Variants in PCTP observed in about 807,000 individuals in gnomAD.
PCTP encodes the protein phosphatidylcholine transfer protein.
PCTP carries 27 observed loss-of-function variants against 31.0 expected under a neutral mutation model. The ratio of observed to expected loss-of-function variants is 0.87; its 90% CI spans 0.64 to 1.20. PCTP has a LOEUF of 1.20. PCTP is among the 50% of genes most tolerant of loss of function. PCTP has a pLI of 0.00. For synonymous variants in PCTP, 108 were observed against 101.2 expected, an observed-to-expected ratio of 1.07 and a Z score of -0.40; for missense variants, 287 against 268.2, an observed-to-expected ratio of 1.07 and a Z score of -0.49.
At chr17:55,788,735 C>A (rs947942979) in intron 3 of PCTP, among the ~76,000 whole-genome samples, 1 of 152,112 alleles carries the variant, frequency 6.6e-6, no homozygotes, top group African/African-American at 2.4e-5. Flanking sequence ...ATGATTCTGT[C>A]AACTTTTCTG....
downstream of PCTP, among the ~76,000 whole-genome samples, chr17:55,825,215 C>T (rs533764540): frequency 3.0e-4 from 46 of 152,232 alleles, no homozygotes; most frequent in African/African-American, 1.1e-3. Context: ...GCTCTGAGAG[C>T]CCAGTGAGAA....
chr17:55,755,880 G>A (rs1158818838), intron 1 of PCTP, among the ~76,000 whole-genome samples: 1 of 152,204 alleles, frequency 6.6e-6, no homozygotes, highest in East Asian at 1.9e-4. Context: ...AAGATCCAGA[G>A]TTGTTGAGCG....
Position 55,751,099 on chromosome 17 carries a change from G to A in PCTP, c.-5G>A, listed in dbSNP as rs780521128. On this transcript the variant is annotated 5_prime_UTR_variant, in exon 1 of 6. Coordinates refer to ENST00000268896, the MANE Select transcript of PCTP (RefSeq NM_021213.4). ...TCCAGGCGGAGGAGCCCGGACTGCG[G>A]AAGGATGGAGCTGGCCGCCGGAAGC... 6.5e-7 allele frequency: 1 copy of A among 1,533,278 alleles called. No individual in the cohort carries two copies. 95.0% of individuals were successfully genotyped at this position (1,533,278 alleles called of 1,614,324 possible).
chr17:55,786,048 C>T lies in PCTP; in HGVS notation c.229-1518C>T, dbSNP rs566319633. Among the ~76,000 whole-genome samples, 3 of 152,196 alleles carry T rather than the reference C, an allele frequency of 2.0e-5. No individual in the cohort carries two copies. In the East Asian group the frequency reaches 5.8e-4, roughly 29 times the overall value. On this transcript the variant is annotated intron_variant, in intron 2 of 3. Transcript: ENST00000572536. Reference sequence around the variant, plus strand: ...CTGTAATCCCAACACTTTGGGGGGCCGAGGCAGGCAGATCACTTGAGGCCA... The same window carrying T: ...CTGTAATCCCAACACTTTGGGGGGCTGAGGCAGGCAGATCACTTGAGGCCA...
intron 1 of PCTP, among the ~76,000 whole-genome samples, chr17:55,763,166 CA>C (rs1910432029): frequency 6.6e-6 from 1 of 152,126 alleles, no homozygotes; most frequent in African/African-American, 2.4e-5. Flanking sequence ...ACCGATATTG[CA>C]AAAGATTTAT....
intron 5 of PCTP, among the ~76,000 whole-genome samples, chr17:55,836,107 C>A (rs145294614): frequency 4.2e-4 from 64 of 152,270 alleles, no homozygotes; most frequent in Middle Eastern, 3.4e-3. Context: ...CATGACCCAA[C>A]CTTGTAGGTT....
At chr17:55,842,012 A>G (rs936003947) in intron 5 of PCTP, among the ~76,000 whole-genome samples, 11 of 152,186 alleles carry the variant, frequency 7.2e-5, no homozygotes, top group African/African-American at 2.7e-4. Flanking sequence ...TACACCTCCC[A>G]TATTCAGAAA....
intron 3 of PCTP, among the ~76,000 whole-genome samples, chr17:55,808,732 G>A (rs539585575): frequency 1.3e-3 from 201 of 152,268 alleles, no homozygotes; most frequent in South Asian, 8.5e-3. Context: ...CTAAGGGGCA[G>A]TAATACGTCT....
chr17:55,827,579 G>A (rs555446122), downstream of PCTP, among the ~76,000 whole-genome samples: 1 of 152,292 alleles, frequency 6.6e-6, no homozygotes, highest in Admixed American at 6.5e-5. Flanking sequence ...TCATAACCCA[G>A]CAGGACTTAC....
intron 3 of PCTP, among the ~76,000 whole-genome samples, chr17:55,821,052 C>T (rs1372565165): frequency 5.9e-5 from 9 of 152,090 alleles, no homozygotes; most frequent in Admixed American, 2.6e-4. Flanking sequence ...AGTATAGATA[C>T]AGAAGAAATA....
At chr17:55,763,557 G>A (rs1251305281) in intron 1 of PCTP, among the ~76,000 whole-genome samples, 1 of 151,648 alleles carries the variant, frequency 6.6e-6, no homozygotes, top group Non-Finnish European at 1.5e-5. Flanking sequence ...AATTGAGTTA[G>A]GTATGGAGTC....
At chr17:55,786,276 T>A (rs1911741775) in intron 2 of PCTP, among the ~76,000 whole-genome samples, 1 of 152,190 alleles carries the variant, frequency 6.6e-6, no homozygotes, top group Non-Finnish European at 1.5e-5. Flanking sequence ...AGAGCAAGAC[T>A]CTGTCCCCAA....
chr17:55,806,980 C>A (rs117594507), intron 3 of PCTP, among the ~76,000 whole-genome samples: 2,722 of 152,170 alleles, frequency 0.018, 28 homozygotes, highest in South Asian at 0.031. Context: ...GCATTTGATG[C>A]AATGTTCCCT....
At chr17:55,827,727 A>T (rs545677902), downstream of PCTP, among the ~76,000 whole-genome samples, 24 of 152,210 alleles carry the variant, frequency 1.6e-4, no homozygotes, top group African/African-American at 5.5e-4. Context: ...GTAAGAACTT[A>T]CTCCATTCTG....
chr17:55,795,694 T>C (rs1456822214), intron 3 of PCTP, among the ~76,000 whole-genome samples: 2 of 152,080 alleles, frequency 1.3e-5, no homozygotes, highest in African/African-American at 4.8e-5. Context: ...TAGATGTTGC[T>C]CATTGACTAA....
chr17:55,839,509 A>G (rs1905889294), intron 5 of PCTP, among the ~76,000 whole-genome samples: 1 of 152,174 alleles, frequency 6.6e-6, no homozygotes, highest in Admixed American at 6.5e-5. Flanking sequence ...CAGGGACAAG[A>G]TATCTATAGG....
chr17:55,836,435 A>AT (rs1905780201), intron 5 of PCTP, among the ~76,000 whole-genome samples: 1 of 152,146 alleles, frequency 6.6e-6, no homozygotes, highest in Non-Finnish European at 1.5e-5. Flanking sequence ...GAGTCAGTGG[A>AT]CTTTTGTCTG....
chr17:55,802,553 A>C (rs1912421566), intron 3 of PCTP, among the ~76,000 whole-genome samples: 5 of 152,206 alleles, frequency 3.3e-5, no homozygotes, highest in Admixed American at 1.3e-4. Flanking sequence ...CTGGGATGCA[A>C]GGCTGGTTCA....
intron 5 of PCTP, among the ~76,000 whole-genome samples, chr17:55,838,218 C>G (rs868755269): frequency 6.6e-6 from 1 of 152,092 alleles, no homozygotes; most frequent in Non-Finnish European, 1.5e-5. Context: ...TTTCTTTGCT[C>G]GTAAGCTTCA....
Sources: gnomAD v4.1 joint callset for allele counts (sites outside exome capture counted in the v4.1 genomes callset) on GRCh38, gnomAD v4.1.1 for gene constraint, MANE v1.5 for transcripts, NCBI Gene and HGNC (gene_info 2026-07-23, HGNC 2026-07-21) for gene names.